Variants in GALNT18 observed in about 807,000 individuals in gnomAD.
The protein encoded by GALNT18 is GalNAc-transferase 18.
In GALNT18, 44 loss-of-function variants were observed where a neutral mutation model predicts 69.5. The ratio of observed to expected loss-of-function variants is 0.63; its 90% CI spans 0.50 to 0.81. The LOEUF is 0.81. Ranked by LOEUF, GALNT18 falls within the 40% of genes least tolerant of loss-of-function variation. GALNT18 has a pLI of 0.00. For missense variants in GALNT18, 715 were observed against 810.0 expected, an observed-to-expected ratio of 0.88 and a Z score of 1.42; for synonymous variants, 364 against 318.2, an observed-to-expected ratio of 1.14 and a Z score of -1.53.
Position 11,444,908 on chromosome 11 carries a change from T to C in GALNT18, c.428+3836A>G, listed in dbSNP as rs1459354245. ...TGGCAAGAGCCACACAGCATGAATC[T>C]TCCAGAGACTGCAGTGACTGTGGGC... On this transcript the variant is annotated intron_variant, in intron 2 of 10. Coordinates refer to ENST00000227756, the MANE Select transcript of GALNT18 (RefSeq NM_198516.3). The surrounding 1 kb of genome is among the most constrained non-coding windows in gnomAD (Gnocchi z 4.4). 6.6e-6 allele frequency among the ~76,000 whole-genome samples: 1 copy of C among 152,196 alleles called. No individual in the cohort carries two copies. Among genetic ancestry groups the C allele is most frequent in the Non-Finnish European group, 1.5e-5 (1 of 68,034 alleles).
rs1013369965 is a variant in GALNT18 at position 11,603,848 on chromosome 11, T to C, written c.235+17511A>G. Among the ~76,000 whole-genome samples, 1 of 152,216 alleles carries C rather than the reference T, an allele frequency of 6.6e-6. No homozygotes were observed. The highest frequency in any genetic ancestry group is 1.5e-5 in the Non-Finnish European group (1 of 68,040). ...TAAATGTGTCTTATGCATATATGTG[T>C]AACCACTTGCCATGATCTAAATGTC... On this transcript the variant is annotated intron_variant, in intron 1 of 10. Coordinates refer to ENST00000227756, the MANE Select transcript of GALNT18 (RefSeq NM_198516.3). This position sits in a 1 kb window ranked among gnomAD's most constrained non-coding sequence, Gnocchi z 4.5.
At chr11:11,526,780 C>T (rs888248506) in intron 1 of GALNT18, among the ~76,000 whole-genome samples, 5 of 152,162 alleles carry the variant, frequency 3.3e-5, no homozygotes, top group Non-Finnish European at 2.9e-5. Flanking sequence ...CATGTCACTT[C>T]TGCTCACATT....
chr11:11,440,632 G>A (rs1407511659), intron 2 of GALNT18, among the ~76,000 whole-genome samples: 2 of 152,232 alleles, frequency 1.3e-5, no homozygotes, highest in African/African-American at 4.8e-5. Flanking sequence ...CTGTCCTGCA[G>A]TGCCTGTCTG....
rs988300870 is a variant in GALNT18, at chr11:11,432,006, A to T, written c.595+615T>A. Among the ~76,000 whole-genome samples the T allele has an allele frequency of 6.6e-6, 1 of 152,204 alleles. No homozygotes were observed. The highest frequency in any genetic ancestry group is 2.4e-5 in the African/African-American group (1 of 41,444). ...GAAAAGGGGTGGCTGGTAGTGCTGG[A>T]GAAAGAGAGTTAGTGATTTGATGGC... On this transcript the variant is annotated intron_variant, in intron 3 of 10. Coordinates refer to ENST00000227756, the MANE Select transcript of GALNT18 (RefSeq NM_198516.3). This position sits in a 1 kb window ranked among gnomAD's most constrained non-coding sequence, Gnocchi z 5.8.
chr11:11,435,415 T>C lies in GALNT18; in HGVS notation c.429-2628A>G, dbSNP rs1855376389. ...CACGCAGAATGAAATGCTGTATTTG[T>C]ATAATAAGCTAAGCCCTGCTGATCA... On this transcript the variant is annotated intron_variant, in intron 2 of 10. Transcript: ENST00000227756. The surrounding 1 kb of genome is among the most constrained non-coding windows in gnomAD (Gnocchi z 4.4). Among the ~76,000 whole-genome samples, 1 of 152,182 alleles carries C rather than the reference T, an allele frequency of 6.6e-6. No individual in the cohort carries two copies. Among genetic ancestry groups the C allele is most frequent in the African/African-American group, 2.4e-5 (1 of 41,440 alleles).
chr11:11,406,532 T>C (rs1854591865), intron 3 of GALNT18, among the ~76,000 whole-genome samples: 1 of 152,180 alleles, frequency 6.6e-6, no homozygotes. Context: ...CTTGCAGAAA[T>C]GGTTCGACAT....
At position 11,573,328 on chromosome 11, in the gene GALNT18, C is replaced by T. The variant is rs4910019; in HGVS notation, c.235+48031G>A. ...TCACAGTGCCTGTGGGAAGGCTGGG[C>T]AGACTGAAATAAAAGGGATTTCTGC... On this transcript the variant is annotated intron_variant, in intron 1 of 10. Transcript: ENST00000227756. The surrounding 1 kb of genome is among the most constrained non-coding windows in gnomAD (Gnocchi z 4.6). Among the ~76,000 whole-genome samples the T allele has an allele frequency of 0.12, 18,327 of 152,214 alleles. 1,220 individuals carry two copies. Among genetic ancestry groups the T allele is most frequent in the South Asian group, 0.18 (870 of 4,820 alleles).
rs1004868484 is a variant in GALNT18, at chr11:11,562,739, T to G, written c.235+58620A>C. Among the ~76,000 whole-genome samples, 9 of 152,164 alleles carry G rather than the reference T, an allele frequency of 5.9e-5. No homozygotes were observed. Among genetic ancestry groups the G allele is most frequent in the Non-Finnish European group, 1.0e-4 (7 of 68,036 alleles). ...AGAAAGGCTCAACCACGCATTAAGT[T>G]CCTCCAAACACAAAGTGCTCTGCCT... On this transcript the variant is annotated intron_variant, in intron 1 of 10. Coordinates refer to ENST00000227756, the MANE Select transcript of GALNT18 (RefSeq NM_198516.3). This position sits in a 1 kb window ranked among gnomAD's most constrained non-coding sequence, Gnocchi z 4.1.
At chr11:11,281,555 C>G (rs1384187958) in intron 10 of GALNT18, among the ~76,000 whole-genome samples, 1 of 152,190 alleles carries the variant, frequency 6.6e-6, no homozygotes, top group Non-Finnish European at 1.5e-5. Context: ...ACAACCAACT[C>G]TTGGAGAAAC....
At chr11:11,445,716 T>A (rs571623938) in intron 2 of GALNT18, among the ~76,000 whole-genome samples, 17 of 152,098 alleles carry the variant, frequency 1.1e-4, no homozygotes, top group African/African-American at 3.9e-4. Context: ...CCCTGAGGAG[T>A]GAGGAGGCTC....
intron 1 of GALNT18, among the ~76,000 whole-genome samples, chr11:11,551,284 T>G (rs531971960): frequency 2.2e-4 from 34 of 152,280 alleles, no homozygotes; most frequent in Middle Eastern, 3.4e-3. Context: ...TTTTTTTTTC[T>G]TATGCAACAG....
intron 1 of GALNT18, among the ~76,000 whole-genome samples, chr11:11,479,293 T>C (rs118014165): frequency 0.012 from 1,839 of 152,322 alleles, 23 homozygotes; most frequent in South Asian, 0.031. Flanking sequence ...CAGTACATAA[T>C]GTTAATACTG....
At chr11:11,458,867 G>A (rs1455449600) in intron 1 of GALNT18, among the ~76,000 whole-genome samples, 1 of 152,206 alleles carries the variant, frequency 6.6e-6, no homozygotes, top group East Asian at 1.9e-4. Flanking sequence ...GAGACCCGTG[G>A]AAAGCTGGCT....
rs1856276302 is a variant in GALNT18 at position 11,471,802 on chromosome 11, T to C, written c.236-22866A>G. 2.0e-5 allele frequency among the ~76,000 whole-genome samples: 3 copies of C among 152,198 alleles called. 1 individual carries two copies. In the South Asian group the frequency reaches 6.2e-4, roughly 31 times the overall value. ...TTTTCTGATATCATCTCCTGACCAG[T>C]GGGGCCATAAGTCAGTCCCCTTGGC... On this transcript the variant is annotated intron_variant, in intron 1 of 10. Coordinates refer to ENST00000227756, the MANE Select transcript of GALNT18 (RefSeq NM_198516.3).
rs907828975 is a variant in GALNT18 at position 11,621,095 on chromosome 11, G to C, written c.235+264C>G. ...ACGCACATTTGGACACGTGCGCAGCGCGCCCCCATACCGCCAGCTAGCTGC... is the reference window on the plus strand; with the variant it reads ...ACGCACATTTGGACACGTGCGCAGCCCGCCCCCATACCGCCAGCTAGCTGC... On this transcript the variant is annotated intron_variant, in intron 1 of 10. Coordinates refer to ENST00000227756, the MANE Select transcript of GALNT18 (RefSeq NM_198516.3). The surrounding 1 kb of genome is among the most constrained non-coding windows in gnomAD (Gnocchi z 9.3). 2.0e-5 allele frequency among the ~76,000 whole-genome samples: 3 copies of C among 152,312 alleles called. No individual in the cohort carries two copies. The highest frequency in any genetic ancestry group is 1.3e-4 in the Admixed American group (2 of 15,312).
chr11:11,289,967 C>T (rs1291719179), intron 10 of GALNT18, among the ~76,000 whole-genome samples: 3 of 152,194 alleles, frequency 2.0e-5, no homozygotes, highest in Non-Finnish European at 4.4e-5. Context: ...TGGAGGCTTA[C>T]TTCAGTTCAG....
chr11:11,559,861 T>C (rs1448029305), intron 1 of GALNT18, among the ~76,000 whole-genome samples: 2 of 35,688 alleles, frequency 5.6e-5, no homozygotes, highest in East Asian at 1.1e-3. Flanking sequence ...AATAGAATGA[T>C]ATGATGGGAT....
Position 11,602,559 on chromosome 11 carries a change from C to CTCTTGTTATTACTAAAATTTAGTAGATTT in GALNT18, c.235+18771_235+18799dup. Among the ~76,000 whole-genome samples, 1 of 152,170 alleles carries CTCTTGTTATTACTAAAATTTAGTAGATTT rather than the reference C, an allele frequency of 6.6e-6. No homozygotes were observed. Among genetic ancestry groups the CTCTTGTTATTACTAAAATTTAGTAGATTT allele is most frequent in the South Asian group, 2.1e-4 (1 of 4,824 alleles). On this transcript the variant is annotated intron_variant, in intron 1 of 10. Transcript: ENST00000227756. This position sits in a 1 kb window ranked among gnomAD's most constrained non-coding sequence, Gnocchi z 4.7. ...GCAATTATGGCTCAAATGTCCCAGA[C>CTCTTGTTATTACTAAAATTTAGTAGATTT]TCTTGTTATTACTAAAATTTAGTAG...
intron 6 of GALNT18, among the ~76,000 whole-genome samples, chr11:11,355,422 C>T (rs1850510139): frequency 6.6e-6 from 1 of 152,074 alleles, no homozygotes; most frequent in Non-Finnish European, 1.5e-5. Context: ...TAAACATGCA[C>T]AAAAAATTCT....
Sources: gnomAD v4.1 joint callset for allele counts (sites outside exome capture counted in the v4.1 genomes callset) on GRCh38, gnomAD v4.1.1 for gene constraint, Gnocchi (gnomAD v3.1) non-coding constraint, MANE v1.5 for transcripts, NCBI Gene and HGNC (gene_info 2026-07-23, HGNC 2026-07-21) for gene names.